PLCXD3: variants seen among roughly 807,000 people sequenced by gnomAD.
PLCXD3 encodes phosphatidylinositol specific phospholipase C X domain containing 3.
Under a neutral mutation model 25.5 loss-of-function variants are expected in PLCXD3, and 19 were observed. That is an observed-to-expected ratio of 0.75 (90% CI 0.52 to 1.09). PLCXD3 has a LOEUF of 1.09. Ranked by LOEUF, PLCXD3 falls within the 50% of genes least tolerant of loss-of-function variation. The pLI, the probability that PLCXD3 is intolerant of heterozygous loss-of-function variation, is 0.00. For missense variants in PLCXD3, 411 were observed against 388.1 expected, an observed-to-expected ratio of 1.06 and a Z score of -0.50; for synonymous variants, 174 against 137.6, an observed-to-expected ratio of 1.26 and a Z score of -1.85.
In PLCXD3 at chr5:41,382,179, A is replaced by C; in HGVS notation, c.459T>G (p.Tyr153Ter). 3 of 1,613,708 alleles carry C rather than the reference A, an allele frequency of 1.9e-6. No homozygotes were observed. Among genetic ancestry groups the C allele is most frequent in the African/African-American group, 1.3e-5 (1 of 74,998 alleles). ...DFNHFYGMQK[Y>*]HHEKLVQMLK... ...GCATTTGGACCAGTTTTTCATGGTG[A>C]TATTTCTGCATCCCATAAAAGTGGT... is the stretch of plus-strand genomic sequence containing the variant. Residue 153 changes from tyrosine to a stop codon, truncating the protein, a stop_gained, in exon 2 of 3, where the codon TAT (tyrosine) becomes TAG (stop). Coordinates refer to ENST00000377801, the MANE Select transcript of PLCXD3 (RefSeq NM_001005473.3). LOFTEE classifies it high-confidence loss of function.
intron 1 of PLCXD3, among the ~76,000 whole-genome samples, chr5:41,451,556 T>A (rs531892583): frequency 6.6e-6 from 1 of 152,026 alleles, no homozygotes; most frequent in Non-Finnish European, 1.5e-5. Flanking sequence ...AGGAAAAGCA[T>A]TGACTTTTCA....
chr5:41,340,592 C>T (rs777159183), intron 2 of PLCXD3, among the ~76,000 whole-genome samples: 20 of 152,094 alleles, frequency 1.3e-4, no homozygotes, highest in African/African-American at 3.6e-4. Context: ...CTGATGACTG[C>T]GTGCATCCGT....
intron 1 of PLCXD3, among the ~76,000 whole-genome samples, chr5:41,498,774 A>G (rs1418506117): frequency 6.6e-6 from 1 of 151,874 alleles, no homozygotes; most frequent in Non-Finnish European, 1.5e-5. Context: ...TAGCAAACCG[A>G]GTTCAACAGC....
chr5:41,340,729 A>G (rs2150477622), intron 2 of PLCXD3, among the ~76,000 whole-genome samples: 1 of 152,332 alleles, frequency 6.6e-6, no homozygotes, highest in South Asian at 2.1e-4. Context: ...AAGTGAAAGA[A>G]TGAATAAATA....
At chr5:41,427,875 A>C (rs962076873) in intron 1 of PLCXD3, among the ~76,000 whole-genome samples, 1 of 152,184 alleles carries the variant, frequency 6.6e-6, no homozygotes, top group Admixed American at 6.5e-5. Context: ...CAACACCATC[A>C]AAGGCACATG....
At chr5:41,401,666 C>T (rs1275045896) in intron 1 of PLCXD3, among the ~76,000 whole-genome samples, 1 of 151,986 alleles carries the variant, frequency 6.6e-6, no homozygotes, top group Non-Finnish European at 1.5e-5. Flanking sequence ...TCTTGATTTT[C>T]TAAAAGAGTT....
intron 2 of PLCXD3, among the ~76,000 whole-genome samples, chr5:41,360,733 G>C (rs1400911297): frequency 6.6e-6 from 1 of 152,200 alleles, no homozygotes; most frequent in Non-Finnish European, 1.5e-5. Context: ...TTCAGCCATG[G>C]ATACCAGCAC....
intron 1 of PLCXD3, among the ~76,000 whole-genome samples, chr5:41,459,324 T>C (rs1386606485): frequency 6.6e-6 from 1 of 151,834 alleles, no homozygotes; most frequent in Non-Finnish European, 1.5e-5. Context: ...AATGTTATTT[T>C]AAAAAATCAT....
In PLCXD3 at chr5:41,464,529, T is replaced by C. The variant is rs566090952; in HGVS notation, c.103+45895A>G. Reference sequence around the variant, plus strand: ...CAAACCACCATGGCACATGTATACCTATGTAACAAACCTGCATATTCTGCA... The same window carrying C: ...CAAACCACCATGGCACATGTATACCCATGTAACAAACCTGCATATTCTGCA... On this transcript the variant is annotated intron_variant, in intron 1 of 2. Transcript: ENST00000377801. 3.9e-5 allele frequency among the ~76,000 whole-genome samples: 6 copies of C among 152,206 alleles called. No individual in the cohort carries two copies. The East Asian group carries it at 1.2e-3, about 30-fold the overall frequency.
At position 41,422,391 on chromosome 5, in the gene PLCXD3, G is replaced by A. The variant is rs570320628; in HGVS notation, c.104-39857C>T. Among the ~76,000 whole-genome samples the A allele has an allele frequency of 5.9e-5, 9 of 152,304 alleles. No individual in the cohort carries two copies. The South Asian group carries it at 1.9e-3, about 32-fold the overall frequency. On this transcript the variant is annotated intron_variant, in intron 1 of 2. Transcript: ENST00000377801. ...CCTTTGACTTTTACAAGGCTCTGTA[G>A]CCTTGGGAAATTTATCAACCACCAT...
At chr5:41,379,018 C>T (rs1745376519) in intron 2 of PLCXD3, among the ~76,000 whole-genome samples, 1 of 152,078 alleles carries the variant, frequency 6.6e-6, no homozygotes, top group African/African-American at 2.4e-5. Context: ...GCAAAGCAAG[C>T]ATTTAATACA....
At position 41,307,052 on chromosome 5, in the gene PLCXD3, A is replaced by G. The variant is rs1020409853; in HGVS notation, c.*6565T>C. The G allele has an allele frequency of 1.3e-5, 2 of 152,638 alleles. No homozygotes were observed. Among genetic ancestry groups the G allele is most frequent in the Non-Finnish European group, 2.9e-5 (2 of 68,010 alleles). The allele number at this position is 152,638 out of a possible 1,614,324, so 9.5% of individuals were successfully genotyped here. ...CTTATTTAAAAAATTCACATTTTCT[A>G]TACAGACTGTAGCCATGGATTTTCT... On this transcript the variant is annotated 3_prime_UTR_variant, in exon 3 of 3. Coordinates refer to ENST00000377801, the MANE Select transcript of PLCXD3 (RefSeq NM_001005473.3).
In PLCXD3 at chr5:41,353,154, G is replaced by A. The variant is rs146475125; in HGVS notation, c.812+28672C>T. ...GTTGCCCAGGCTGGAGTGCAGTGGC[G>A]CGATCTCCGCTCACTGCAAGCTCCA... On this transcript the variant is annotated intron_variant, in intron 2 of 2. Transcript: ENST00000377801. Among the ~76,000 whole-genome samples, 738 of 150,148 alleles carry A rather than the reference G, an allele frequency of 4.9e-3. 1 individual carries two copies. The highest frequency in any genetic ancestry group is 0.016 in the African/African-American group (640 of 40,758).
chr5:41,403,410 T>TTTTTTTTTTTTTTG (rs1554047973), intron 1 of PLCXD3, among the ~76,000 whole-genome samples: 1 of 41,956 alleles, frequency 2.4e-5, no homozygotes, highest in Non-Finnish European at 5.8e-5. Flanking sequence ...TGTTTTTTTT[T>TTTTTTTTTTTTTTG]TTTTTTATTA....
intron 1 of PLCXD3, among the ~76,000 whole-genome samples, chr5:41,474,872 AGT>A (rs1423508099): frequency 2.0e-5 from 3 of 152,190 alleles, no homozygotes; most frequent in African/African-American, 7.2e-5. Flanking sequence ...AATCTTAGTG[AGT>A]GTGTCTCCTC....
rs182661154 is a variant in PLCXD3 at position 41,318,137 on chromosome 5, C to G, written c.813-4367G>C. The stretch of plus-strand genomic sequence containing the variant: ...GGAGAAATAGACTTTCCCAGATAAA[C>G]AAAAGCTGAGGGATTTCATCAATCC... On this transcript the variant is annotated intron_variant, in intron 2 of 2. Coordinates refer to ENST00000377801, the MANE Select transcript of PLCXD3 (RefSeq NM_001005473.3). 2.4e-3 allele frequency among the ~76,000 whole-genome samples: 370 copies of G among 152,110 alleles called. 2 individuals are homozygous for G. The highest frequency in any genetic ancestry group is 7.9e-3 in the African/African-American group (328 of 41,504).
chr5:41,324,849 G>A (rs539670518), intron 2 of PLCXD3, among the ~76,000 whole-genome samples: 1 of 152,326 alleles, frequency 6.6e-6, no homozygotes, highest in South Asian at 2.1e-4. Flanking sequence ...ACCTTGAGAG[G>A]TGAGAGGCGG....
rs1162476200 is a variant in PLCXD3 at position 41,496,622 on chromosome 5, C to A, written c.103+13802G>T. The stretch of plus-strand genomic sequence containing the variant: ...CATAAAGGAAAGGTAAAGCTTTTCC[C>A]AGACCAAAAAAAAAAAAAAAAGCCT... On this transcript the variant is annotated intron_variant, in intron 1 of 2. Transcript: ENST00000377801. Among the ~76,000 whole-genome samples, 6 of 94,450 alleles carry A rather than the reference C, an allele frequency of 6.4e-5. 1 individual carries two copies. Among genetic ancestry groups the A allele is most frequent in the Admixed American group, 4.2e-4 (4 of 9,528 alleles). 62.0% of individuals were successfully genotyped at this position (94,450 alleles called of 152,430 possible).
intron 2 of PLCXD3, among the ~76,000 whole-genome samples, chr5:41,353,452 A>G (rs1041808069): frequency 1.3e-5 from 2 of 152,156 alleles, no homozygotes; most frequent in African/African-American, 4.8e-5. Context: ...ATAAATTCAT[A>G]TCAGGAGTTT....
Sources: gnomAD v4.1 joint callset for allele counts (sites outside exome capture counted in the v4.1 genomes callset) on GRCh38, gnomAD v4.1.1 for gene constraint, MANE v1.5 for transcripts, NCBI Gene and HGNC (gene_info 2026-07-23, HGNC 2026-07-21) for gene names.